PCCA: variants seen among roughly 807,000 people sequenced by gnomAD.
PCCA encodes propionyl-CoA carboxylase alpha chain, mitochondrial.
A neutral mutation model predicts 101.3 loss-of-function variants in PCCA; 74 were observed. The observed-to-expected ratio is 0.73, with a 90% CI of 0.61 to 0.89. PCCA has a LOEUF of 0.89. PCCA is among the 40% of genes least tolerant of loss of function. PCCA has a pLI of 0.00. For missense variants in PCCA, 891 were observed against 907.0 expected, an observed-to-expected ratio of 0.98 and a Z score of 0.23; for synonymous variants, 294 against 313.6, an observed-to-expected ratio of 0.94 and a Z score of 0.66.
chr13:100,139,947 A>G (rs2051664227), intron 4 of PCCA, among the ~76,000 whole-genome samples: 1 of 148,006 alleles, frequency 6.8e-6, no homozygotes, highest in African/African-American at 2.5e-5. Context: ...GGGTCTTTGT[A>G]CTCCTATACA....
intron 7 of PCCA, among the ~76,000 whole-genome samples, chr13:100,228,461 T>G (rs185393057): frequency 6.6e-6 from 1 of 152,238 alleles, no homozygotes; most frequent in Non-Finnish European, 1.5e-5. Context: ...TTGTGTGTCA[T>G]GTAATCATAG....
chr13:100,148,102 T>A (rs1402748285), intron 4 of PCCA, among the ~76,000 whole-genome samples: 1 of 152,036 alleles, frequency 6.6e-6, no homozygotes, highest in Non-Finnish European at 1.5e-5. Context: ...CTTTTTATTT[T>A]TTATTTTTTG....
chr13:100,417,917 C>G (rs1407194700), intron 19 of PCCA, among the ~76,000 whole-genome samples: 1 of 152,124 alleles, frequency 6.6e-6, no homozygotes, highest in Non-Finnish European at 1.5e-5. Context: ...TTCTTGTAAG[C>G]CCTTTCTTTT....
chr13:100,304,605 G>A (rs925077659), intron 14 of PCCA, among the ~76,000 whole-genome samples: 2 of 152,166 alleles, frequency 1.3e-5, no homozygotes, highest in African/African-American at 2.4e-5. Flanking sequence ...GGAGATGTCT[G>A]ATAGTTTCAC....
Position 100,485,834 on chromosome 13 carries a change from G to A in PCCA, c.1900-29593G>A, listed in dbSNP as rs537722882. ...TAATCTTCTCATGAGAAATACAGACGTTAAATAATTTTCCCAGGGTCACAT... is the reference window on the plus strand; with the variant it reads ...TAATCTTCTCATGAGAAATACAGACATTAAATAATTTTCCCAGGGTCACAT... On this transcript the variant is annotated intron_variant, in intron 21 of 23. Coordinates refer to ENST00000376285, the MANE Select transcript of PCCA (RefSeq NM_000282.4). Among the ~76,000 whole-genome samples the A allele has an allele frequency of 2.1e-4, 32 of 152,270 alleles. No individual in the cohort carries two copies. In the South Asian group the frequency reaches 6.4e-3, roughly 31 times the overall value.
chr13:100,223,861 G>A (rs1175349803), intron 7 of PCCA, among the ~76,000 whole-genome samples: 1 of 152,214 alleles, frequency 6.6e-6, no homozygotes, highest in Non-Finnish European at 1.5e-5. Flanking sequence ...TAGATACAGA[G>A]TGTCGATTGG....
intron 12 of PCCA, among the ~76,000 whole-genome samples, chr13:100,278,281 T>TA (rs762474716): frequency 6.6e-6 from 1 of 152,188 alleles, no homozygotes; most frequent in Non-Finnish European, 1.5e-5. Context: ...GACTGCAAAA[T>TA]ATTTGTATTC....
At chr13:100,414,104 C>A (rs781202795) in intron 19 of PCCA, among the ~76,000 whole-genome samples, 13 of 152,118 alleles carry the variant, frequency 8.5e-5, no homozygotes, top group Non-Finnish European at 1.8e-4. Context: ...CAATTCACAT[C>A]CTTTGAGATA....
In PCCA at chr13:100,252,217, A is replaced by G. The variant is rs1041488438; in HGVS notation, c.638-5378A>G. 5.3e-5 allele frequency among the ~76,000 whole-genome samples: 8 copies of G among 152,092 alleles called. 1 individual carries two copies. In the South Asian group the frequency reaches 1.7e-3, roughly 32 times the overall value. On this transcript the variant is annotated intron_variant, in intron 8 of 23. Transcript: ENST00000376285. ...ATTCTATCCATCTAGAGGACTGTTC[A>G]ACTTCCTGAAATATCTTTTGTTTTC...
chr13:100,397,787 G>A (rs1296418746), intron 19 of PCCA, among the ~76,000 whole-genome samples: 2 of 152,122 alleles, frequency 1.3e-5, no homozygotes, highest in South Asian at 4.1e-4. Flanking sequence ...TAAAAACTGT[G>A]TTTGGCTGTG....
rs552000487 is a variant in PCCA, at chr13:100,109,716, A to G, written c.184-2125A>G. Among the ~76,000 whole-genome samples, 131 of 152,308 alleles carry G rather than the reference A, an allele frequency of 8.6e-4. 1 individual carries two copies. In the Middle Eastern group the frequency reaches 0.01, roughly 12 times the overall value. ...GTTTTATCACATTAGAAGTTTACCT[A>G]TTTTTAAGGCAGGGGCTTGGCTCGG... On this transcript the variant is annotated intron_variant, in intron 2 of 23. Coordinates refer to ENST00000376285, the MANE Select transcript of PCCA (RefSeq NM_000282.4).
chr13:100,107,805 T>C (rs2047947515), intron 2 of PCCA, among the ~76,000 whole-genome samples: 1 of 152,204 alleles, frequency 6.6e-6, no homozygotes. Context: ...ATAGATGAGA[T>C]AATGCACAGA....
chr13:100,409,132 C>A (rs371097787), intron 19 of PCCA, among the ~76,000 whole-genome samples: 8 of 151,844 alleles, frequency 5.3e-5, no homozygotes, highest in African/African-American at 1.9e-4. Flanking sequence ...TGGTCCCTCC[C>A]AAAAAAGGAA....
chr13:100,462,021 C>G (rs1292043565), intron 21 of PCCA, among the ~76,000 whole-genome samples: 1 of 152,100 alleles, frequency 6.6e-6, no homozygotes, highest in Non-Finnish European at 1.5e-5. Flanking sequence ...AGAGCAGACA[C>G]TTTGTGGAGG....
intron 19 of PCCA, among the ~76,000 whole-genome samples, chr13:100,396,802 T>TA (rs1268561013): frequency 6.6e-6 from 1 of 152,186 alleles, no homozygotes; most frequent in Non-Finnish European, 1.5e-5. Context: ...GGGAAGTAGT[T>TA]ATAGAGGTCA....
chr13:100,157,205 T>C, intron 5 of PCCA, 82 bp from the exon 6 acceptor site: 2 of 888,122 alleles, frequency 2.3e-6, no homozygotes, highest in Non-Finnish European at 3.7e-6. Context: ...TAAATATTAA[T>C]ACATAAATGC....
intron 7 of PCCA, among the ~76,000 whole-genome samples, chr13:100,227,503 G>T (rs1376258768): frequency 6.6e-6 from 1 of 152,162 alleles, no homozygotes; most frequent in African/African-American, 2.4e-5. Flanking sequence ...CTTGGGTTGG[G>T]TGATAGAGCC....
intron 20 of PCCA, among the ~76,000 whole-genome samples, chr13:100,448,138 G>A (rs2080970607): frequency 6.6e-6 from 1 of 152,230 alleles, no homozygotes; most frequent in South Asian, 2.1e-4. Flanking sequence ...TTAGCCAGAA[G>A]AGGAAGAATT....
At chr13:100,301,096 A>C (rs917701022) in intron 12 of PCCA, among the ~76,000 whole-genome samples, 1 of 152,252 alleles carries the variant, frequency 6.6e-6, no homozygotes, top group Non-Finnish European at 1.5e-5. Flanking sequence ...CGTTAAGTGC[A>C]GCAGAATAGG....
Sources: gnomAD v4.1 joint callset for allele counts (sites outside exome capture counted in the v4.1 genomes callset) on GRCh38, gnomAD v4.1.1 for gene constraint, MANE v1.5 for transcripts, NCBI Gene and HGNC (gene_info 2026-07-23, HGNC 2026-07-21) for gene names.